HDHD5: variants seen among roughly 807,000 people sequenced by gnomAD.
HDHD5 encodes the protein haloacid dehalogenase like hydrolase domain containing 5.
In HDHD5, 34 loss-of-function variants were observed where a neutral mutation model predicts 35.5. The ratio of observed to expected loss-of-function variants is 0.96; its 90% confidence interval spans 0.73 to 1.28. The LOEUF (loss-of-function observed/expected upper bound fraction) is 1.28, where lower values mean the gene tolerates loss of function less well. Among genes scored for constraint, HDHD5 ranks in the 50% most tolerant of loss-of-function variants. The pLI is 0.00. For synonymous variants in HDHD5, 248 were observed against 240.6 expected, an observed-to-expected ratio of 1.03 and a Z score of -0.29; for missense variants, 589 against 560.2, an observed-to-expected ratio of 1.05 and a Z score of -0.52.
At chr22:17,164,354 G>C (rs376533355) in intron 1 of HDHD5, among the ~76,000 whole-genome samples, 65 of 152,172 alleles carry the variant, frequency 4.3e-4, no homozygotes, top group African/African-American at 1.5e-3. Flanking sequence ...TTTTCTATTA[G>C]TTAGGATTAG....
chr22:17,143,690 G>A (rs569952270), intron 4 of HDHD5: 1 of 152,642 alleles, frequency 6.6e-6, no homozygotes, highest in South Asian at 2.1e-4. Context: ...GTTCTCCACA[G>A]AACTTGCACA....
At chr22:17,159,070 G>A in intron 1 of HDHD5, 56 bp downstream of exon 1, 1 of 1,205,712 alleles carries the variant, frequency 8.3e-7, no homozygotes. Flanking sequence ...GCGGCTCCCC[G>A]CCCCGCCTCC....
chr22:17,161,629 A>T (rs955806743), upstream of HDHD5, among the ~76,000 whole-genome samples: 1 of 151,988 alleles, frequency 6.6e-6, no homozygotes, highest in African/African-American at 2.4e-5. Context: ...AACACTTGGG[A>T]AGCCGAGGCA....
chr22:17,141,071 G>C lies in HDHD5; in HGVS notation c.734C>G (p.Ala245Gly). The change falls in exon 6 of 8, where the codon GCC becomes GGC. Residue 245 changes from alanine (A) to glycine (G), a missense_variant. Ala to Gly is a moderately conservative substitution (Grantham distance 60). Transcript: ENST00000336737. The part of the protein sequence containing the change: ...SNMDLLWMAE[A>G]KMPRFGHGTF... ...TTTGTGTCCTCACCTGGGCATCTTGGCTTCAGCCATCCACAGGAGATCCAT... is the reference window on the plus strand; with the variant it reads ...TTTGTGTCCTCACCTGGGCATCTTGCCTTCAGCCATCCACAGGAGATCCAT... The C allele has an allele frequency of 1.3e-6, 2 of 1,584,128 alleles. No homozygotes were observed. The highest frequency in any genetic ancestry group is 1.7e-6 in the Non-Finnish European group (2 of 1,167,182).
At chr22:17,150,682 C>G (rs892425424) in intron 1 of HDHD5, among the ~76,000 whole-genome samples, 6 of 152,116 alleles carry the variant, frequency 3.9e-5, no homozygotes, top group African/African-American at 1.4e-4. Context: ...CCATGCCCAC[C>G]TAATATTTGT....
intron 3 of HDHD5, among the ~76,000 whole-genome samples, chr22:17,147,651 C>T (rs1232374287): frequency 1.5e-4 from 22 of 147,620 alleles, no homozygotes; most frequent in African/African-American, 5.5e-4. Context: ...GCACACGCCC[C>T]ACACCTGTGG....
chr22:17,160,340 C>G (rs1403110799), upstream of HDHD5, among the ~76,000 whole-genome samples: 1 of 151,304 alleles, frequency 6.6e-6, no homozygotes, highest in Non-Finnish European at 1.5e-5. Flanking sequence ...TAGGGAGACC[C>G]CTTCTCTATT....
chr22:17,159,232 A>ACACAGCCC lies in HDHD5; in HGVS notation c.12_19dup (p.Val7GlyfsTer60). On this transcript the variant is annotated frameshift_variant, in exon 1 of 8. Transcript: ENST00000336737. LOFTEE classifies it high-confidence loss of function. ...CCCACGCGCCGCGCCGAGCGCAGCC[A>ACACAGCCC]CACAGCCCCACGCAGCCATCCGGCC... The ACACAGCCC allele has an allele frequency of 2.6e-6, 3 of 1,166,658 alleles. No homozygotes were observed. Among genetic ancestry groups the ACACAGCCC allele is most frequent in the Non-Finnish European group, 3.2e-6 (3 of 946,590 alleles). The allele number at this position is 1,166,658 out of a possible 1,614,324, so 72.3% of individuals were successfully genotyped here. A position where few individuals can be genotyped will look rare whatever the true frequency, so the allele number is the denominator to read the frequency against.
chr22:17,143,366 C>G, intron 4 of HDHD5: 1 of 455,934 alleles, frequency 2.2e-6, no homozygotes, highest in Non-Finnish European at 3.8e-6. Flanking sequence ...GGTGAAGTCA[C>G]CAGGAGGAAG....
intron 1 of HDHD5, among the ~76,000 whole-genome samples, chr22:17,150,879 C>T (rs1211106866): frequency 2.0e-5 from 3 of 152,190 alleles, no homozygotes; most frequent in South Asian, 4.1e-4. Context: ...TGGCTACATA[C>T]TATTCTGAGT....
At chr22:17,150,154 T>A (rs191481068) in intron 1 of HDHD5, among the ~76,000 whole-genome samples, 59 of 152,288 alleles carry the variant, frequency 3.9e-4, no homozygotes, top group African/African-American at 1.3e-3. Flanking sequence ...ATAGTTCCCC[T>A]TTTTTCTCTA....
At chr22:17,139,220 A>G (rs1417024964) in intron 6 of HDHD5, among the ~76,000 whole-genome samples, 1 of 152,196 alleles carries the variant, frequency 6.6e-6, no homozygotes, top group East Asian at 1.9e-4. Context: ...AATTTTCAAT[A>G]AGCATCCTTA....
At position 17,137,662 on chromosome 22, in the gene HDHD5, A is replaced by T; in HGVS notation, c.*359T>A. On this transcript the variant is annotated 3_prime_UTR_variant, in exon 8 of 8. Coordinates refer to ENST00000336737, the MANE Select transcript of HDHD5 (RefSeq NM_033070.3). ...GGCTGCATGCCTTCAGTGCCGGCAA[A>T]GGCTCTGCACAGACATCCACAGTAT... The T allele has an allele frequency of 1.4e-5, 3 of 210,508 alleles. No homozygotes were observed. The highest frequency in any genetic ancestry group is 5.4e-5 in the Admixed American group (1 of 18,414). 13.0% of individuals were successfully genotyped at this position (210,508 alleles called of 1,614,324 possible).
At chr22:17,140,450 T>C (rs971691518) in intron 6 of HDHD5, among the ~76,000 whole-genome samples, 9 of 152,090 alleles carry the variant, frequency 5.9e-5, no homozygotes, top group African/African-American at 2.2e-4. Context: ...GCCGGCATGA[T>C]GGAGCACGCC....
At chr22:17,140,612 C>T (rs73381971) in intron 6 of HDHD5, among the ~76,000 whole-genome samples, 3,221 of 152,068 alleles carry the variant, frequency 0.021, 105 homozygotes, top group African/African-American at 0.074. Context: ...AAACAAAAAA[C>T]GACAAATCCT....
At position 17,145,126 on chromosome 22, in the gene HDHD5, A is replaced by G; in HGVS notation, c.444-9T>C. On this transcript the variant is annotated splice_polypyrimidine_tract_variant and intron_variant, in intron 3 of 7. Coordinates refer to ENST00000336737, the MANE Select transcript of HDHD5 (RefSeq NM_033070.3). The stretch of plus-strand genomic sequence containing the variant: ...CATTTCGGAAGCCCAGTCTGGAGCA[A>G]GCTCAGGAAGTAATGCTGGACAGTT... 6.2e-7 allele frequency: 1 copy of G among 1,614,028 alleles called. No homozygotes were observed. The highest frequency in any genetic ancestry group is 8.5e-7 in the Non-Finnish European group (1 of 1,179,982).
Position 17,148,527 on chromosome 22 carries a change from G to A in HDHD5, c.364C>T (p.Pro122Ser), listed in dbSNP as rs769257628. 22 of 1,614,062 alleles carry A rather than the reference G, an allele frequency of 1.4e-5. No homozygotes were observed. The East Asian group carries it at 4.7e-4, about 34-fold the overall frequency. Residue 122 changes from proline to serine, a missense_variant, in exon 3 of 8, where the codon CCC (proline) becomes TCC (serine). Transcript: ENST00000336737. ...TGGTACTCGGAGAAGAGCTTCATGG[G>A]GCTGTGAGAGAGGATAACTTGGTCT... Reference protein sequence around the residue: ...DADQVILSHSPMKLFSEYHEK... With the variant: ...DADQVILSHSSMKLFSEYHEK...
At chr22:17,156,377 CCAAGG>C (rs1407436602) in intron 1 of HDHD5, among the ~76,000 whole-genome samples, 2 of 152,156 alleles carry the variant, frequency 1.3e-5, no homozygotes, top group Non-Finnish European at 1.5e-5. Context: ...CTCTGGGAGG[CCAAGG>C]CGGGCGTATC....
At chr22:17,147,937 G>A (rs547642678) in intron 3 of HDHD5, among the ~76,000 whole-genome samples, 4 of 152,318 alleles carry the variant, frequency 2.6e-5, no homozygotes, top group East Asian at 1.9e-4. Flanking sequence ...CAGAGTGTGC[G>A]GCAGACCGCT....
Sources: gnomAD v4.1 joint callset for allele counts (sites outside exome capture counted in the v4.1 genomes callset) on GRCh38, gnomAD v4.1.1 for gene constraint, MANE v1.5 for transcripts, NCBI Gene and HGNC (gene_info 2026-07-23, HGNC 2026-07-21) for gene names.